NECAP1: variants seen among roughly 807,000 people sequenced by gnomAD.
NECAP1 encodes the protein adaptin ear-binding coat-associated protein 1.
NECAP1 carries 13 observed loss-of-function variants against 33.4 expected under a neutral mutation model. That is an observed-to-expected ratio of 0.39 (90% CI 0.25 to 0.62). The LOEUF (loss-of-function observed/expected upper bound fraction) is 0.62, where lower values mean the gene tolerates loss of function less well. Among genes scored for constraint, NECAP1 ranks in the 20% least tolerant of loss-of-function variants. The pLI, the probability that NECAP1 is intolerant of heterozygous loss-of-function variation, is 0.52. For missense variants in NECAP1, 272 were observed against 347.4 expected, an observed-to-expected ratio of 0.78 and a Z score of 1.73; for synonymous variants, 109 against 125.2, an observed-to-expected ratio of 0.87 and a Z score of 0.86.
rs747705583 is a variant in NECAP1 at position 8,083,726 on chromosome 12, G to A, written c.95+1343G>A. Among the ~76,000 whole-genome samples the A allele has an allele frequency of 2.0e-4, 27 of 134,524 alleles. No homozygotes were observed. In the South Asian group the frequency reaches 3.1e-3, roughly 15 times the overall value. The allele number at this position is 134,524 out of a possible 152,430, so 88.3% of individuals were successfully genotyped here. ...TACAGGCGTGACACCACGCCCAGCCGTCGTTTTTTTTTTTTTTTTTTTTTG... is the reference window on the plus strand; with the variant it reads ...TACAGGCGTGACACCACGCCCAGCCATCGTTTTTTTTTTTTTTTTTTTTTG... On this transcript the variant is annotated intron_variant, in intron 1 of 7. Coordinates refer to ENST00000339754, the MANE Select transcript of NECAP1 (RefSeq NM_015509.4).
chr12:8,082,630 T>C (rs1947450640), intron 1 of NECAP1, among the ~76,000 whole-genome samples: 1 of 151,954 alleles, frequency 6.6e-6, no homozygotes. Context: ...TATTCCACTC[T>C]GCCTCTCCCG....
Position 8,093,145 on chromosome 12 carries a change from A to G in NECAP1, c.676+90A>G, listed in dbSNP as rs773893384. The G allele has an allele frequency of 9.1e-5, 120 of 1,319,126 alleles. No individual in the cohort carries two copies. The African/African-American group carries it at 1.6e-3, about 18-fold the overall frequency. 81.7% of individuals were successfully genotyped at this position (1,319,126 alleles called of 1,614,324 possible). A position where few individuals can be genotyped will look rare whatever the true frequency, so the allele number is the denominator to read the frequency against. On this transcript the variant is annotated intron_variant, in intron 6 of 7. Transcript: ENST00000339754. ...GTCAAGGAGAGTTAATGTTTTTGCT[A>G]TGAAATAGCTCATGGTACTGACAAG...
At chr12:8,082,445 A>C in intron 1 of NECAP1, 62 bp downstream of exon 1, 2 of 1,453,530 alleles carry the variant, frequency 1.4e-6, no homozygotes, top group Middle Eastern at 3.4e-4. Context: ...CTTCCTTCTC[A>C]GCTAGCACGC....
At chr12:8,085,686 C>CTTCTTTTTTTTTTTTT (rs1947481617) in intron 1 of NECAP1, among the ~76,000 whole-genome samples, 2 of 104,810 alleles carry the variant, frequency 1.9e-5, no homozygotes, top group Non-Finnish European at 1.8e-5. Context: ...ACTTAATCTT[C>CTTCTTTTTTTTTTTTT]TTTTTTTTTT....
In NECAP1 at chr12:8,097,516, T is replaced by TA. The variant is rs777030631; in HGVS notation, c.*1427dup. 6.5e-6 allele frequency: 1 copy of TA among 152,674 alleles called. No homozygotes were observed. Among genetic ancestry groups the TA allele is most frequent in the Non-Finnish European group, 1.5e-5 (1 of 68,038 alleles). The allele number at this position is 152,674 out of a possible 1,614,324, so 9.5% of individuals were successfully genotyped here. ...CATTGCCTCCTTTTCCAGGCAGCTC[T>TA]ATTCTTGCAGAGCCATAGCAGGACA... On this transcript the variant is annotated 3_prime_UTR_variant, in exon 8 of 8. Transcript: ENST00000339754.
intron 1 of NECAP1, 166 bp from the exon 2 acceptor site, chr12:8,089,770 G>A (rs1947525154): frequency 1.6e-6 from 1 of 626,032 alleles, no homozygotes; most frequent in Non-Finnish European, 2.8e-6. Flanking sequence ...GCTTTGGACT[G>A]TATGTAACAT....
intron 1 of NECAP1, among the ~76,000 whole-genome samples, chr12:8,086,662 G>A (rs763210262): frequency 1.3e-5 from 2 of 152,134 alleles, no homozygotes; most frequent in South Asian, 4.2e-4. Flanking sequence ...CAATCTGGGT[G>A]CGGTGGCTCA....
intron 4 of NECAP1, chr12:8,092,471 C>A (rs954926608): frequency 1.9e-6 from 1 of 524,668 alleles, no homozygotes; most frequent in African/African-American, 1.9e-5. Flanking sequence ...ATACGTATTC[C>A]GTGAGATTTC....
At chr12:8,088,031 T>C (rs755059266) in intron 1 of NECAP1, among the ~76,000 whole-genome samples, 1 of 152,228 alleles carries the variant, frequency 6.6e-6, no homozygotes, top group Non-Finnish European at 1.5e-5. Context: ...GAATTATTAA[T>C]AACTTTTACT....
chr12:8,086,478 G>A (rs984286708), intron 1 of NECAP1, among the ~76,000 whole-genome samples: 3 of 151,818 alleles, frequency 2.0e-5, no homozygotes, highest in African/African-American at 7.3e-5. Flanking sequence ...GCCAGCCGTG[G>A]TGGCGCACAC....
At position 8,084,129 on chromosome 12, in the gene NECAP1, A is replaced by G. The variant is rs755607183; in HGVS notation, c.95+1746A>G. Among the ~76,000 whole-genome samples, 8 of 152,072 alleles carry G rather than the reference A, an allele frequency of 5.3e-5. No homozygotes were observed. In the East Asian group the frequency reaches 1.6e-3, roughly 29 times the overall value. Reference sequence around the variant, plus strand: ...TTATCATTACCTTGGCTGAAAAGTTACCCTCTCCTTATGTCTGTTATTTTG... The same window carrying G: ...TTATCATTACCTTGGCTGAAAAGTTGCCCTCTCCTTATGTCTGTTATTTTG... On this transcript the variant is annotated intron_variant, in intron 1 of 7. Transcript: ENST00000339754.
chr12:8,089,730 G>C (rs1218234645), intron 1 of NECAP1: 1 of 533,874 alleles, frequency 1.9e-6, no homozygotes, highest in South Asian at 2.9e-5. Flanking sequence ...GGACTCCAAA[G>C]TCCTCAAGTA....
At chr12:8,090,884 G>C (rs145373854) in intron 3 of NECAP1, 1 of 153,402 alleles carries the variant, frequency 6.5e-6, no homozygotes, top group Admixed American at 6.4e-5. Context: ...ATCATCTTAC[G>C]TGTGGGGCAG....
intron 7 of NECAP1, 103 bp downstream of exon 7, chr12:8,095,806 C>A: frequency 8.0e-7 from 1 of 1,255,070 alleles, no homozygotes; most frequent in Non-Finnish European, 1.1e-6. Flanking sequence ...ATGCAGGTCA[C>A]ATAGAGTCTT....
At chr12:8,091,585 G>A in intron 3 of NECAP1, 184 bp from the exon 4 acceptor site, 1 of 597,332 alleles carries the variant, frequency 1.7e-6, no homozygotes, top group Non-Finnish European at 3.0e-6. Flanking sequence ...ACAGGAGGCG[G>A]AGCTCAGGTG....
chr12:8,089,189 T>G (rs1384507015), intron 1 of NECAP1: 3 of 152,218 alleles, frequency 2.0e-5, no homozygotes, highest in African/African-American at 7.2e-5. Context: ...GTGATGCATC[T>G]GTCCTAATAA....
At chr12:8,089,689 G>A (rs763069662) in intron 1 of NECAP1, 96 of 455,376 alleles carry the variant, frequency 2.1e-4, no homozygotes, top group African/African-American at 1.4e-3. Flanking sequence ...GCTTTTATTC[G>A]TGCTTTTCCA....
At chr12:8,083,919 T>G (rs1224983903) in intron 1 of NECAP1, among the ~76,000 whole-genome samples, 1 of 151,894 alleles carries the variant, frequency 6.6e-6, no homozygotes. Context: ...TTTTAAATTT[T>G]TTTGTGTAGA....
At chr12:8,087,795 G>T (rs1947505698) in intron 1 of NECAP1, among the ~76,000 whole-genome samples, 1 of 152,020 alleles carries the variant, frequency 6.6e-6, no homozygotes, top group Non-Finnish European at 1.5e-5. Flanking sequence ...TCTCTAATCT[G>T]GATCAGATTT....
Sources: gnomAD v4.1 joint callset for allele counts (sites outside exome capture counted in the v4.1 genomes callset) on GRCh38, gnomAD v4.1.1 for gene constraint, MANE v1.5 for transcripts, NCBI Gene and HGNC (gene_info 2026-07-23, HGNC 2026-07-21) for gene names.